Variants in GRIK2 observed in about 807,000 individuals in gnomAD.
The protein encoded by GRIK2 is glutamate receptor ionotropic, kainate 2.
GRIK2 carries 32 observed loss-of-function variants against 100.3 expected under a neutral mutation model. That is an observed-to-expected ratio of 0.32 (90% CI 0.24 to 0.43). The LOEUF (loss-of-function observed/expected upper bound fraction) is 0.43. Ranked by LOEUF, GRIK2 falls within the 20% of genes least tolerant of loss-of-function variation. The pLI is 1.00. For missense variants in GRIK2, 843 were observed against 1,114.9 expected (o/e 0.76, Z 3.47); for synonymous variants, 417 against 389.4 (o/e 1.07, Z -0.83).
chr6:102,008,865 G>C (rs1795376965), intron 14 of GRIK2, among the ~76,000 whole-genome samples: 1 of 151,904 alleles, frequency 6.6e-6, no homozygotes, highest in Admixed American at 6.6e-5. Flanking sequence ...ACTTCAAAAT[G>C]TTGTGTTATA....
chr6:102,006,554 G>T lies in GRIK2; in HGVS notation c.2086-28787G>T, dbSNP rs575772670. Among the ~76,000 whole-genome samples, 47 of 151,708 alleles carry T rather than the reference G, an allele frequency of 3.1e-4. 1 individual carries two copies. The South Asian group carries it at 5.2e-3, about 17-fold the overall frequency. ...GGCTAATTTTTGTATTTTTTATAGA[G>T]ACAGGGTTTCGCCATGTTGCCCAAG... On this transcript the variant is annotated intron_variant, in intron 14 of 16. Coordinates refer to ENST00000369134, the MANE Select transcript of GRIK2 (RefSeq NM_021956.5).
At chr6:101,683,110 G>A (rs1043977762) in intron 6 of GRIK2, among the ~76,000 whole-genome samples, 1 of 152,072 alleles carries the variant, frequency 6.6e-6, no homozygotes, top group African/African-American at 2.4e-5. Context: ...GCCTGAGACA[G>A]GAGAATTGCT....
At chr6:102,009,913 CA>C (rs1232500706) in intron 14 of GRIK2, among the ~76,000 whole-genome samples, 43 of 152,010 alleles carry the variant, frequency 2.8e-4, no homozygotes, top group African/African-American at 1.0e-3. Flanking sequence ...CCATGAAATA[CA>C]AAAGCAGGGC....
intron 2 of GRIK2, among the ~76,000 whole-genome samples, chr6:101,562,669 G>A (rs1777078648): frequency 6.6e-6 from 1 of 151,996 alleles, no homozygotes; most frequent in East Asian, 1.9e-4. Context: ...AGCTGTTTGG[G>A]TGCAAGTTTC....
At chr6:101,830,702 TA>T (rs536764363) in intron 10 of GRIK2, among the ~76,000 whole-genome samples, 47 of 141,240 alleles carry the variant, frequency 3.3e-4, no homozygotes, top group Non-Finnish European at 3.6e-4. Context: ...ATTAAAAAAG[TA>T]AAAAAAAAAA....
At chr6:102,018,241 C>T (rs946450419) in intron 14 of GRIK2, among the ~76,000 whole-genome samples, 7 of 152,164 alleles carry the variant, frequency 4.6e-5, no homozygotes, top group East Asian at 1.9e-4. Context: ...TCTACAATCT[C>T]GCAGATCCCT....
Position 101,488,350 on chromosome 6 carries a change from G to T in GRIK2, c.115+88958G>T, listed in dbSNP as rs4840189. On this transcript the variant is annotated intron_variant, in intron 2 of 16. Coordinates refer to ENST00000369134, the MANE Select transcript of GRIK2 (RefSeq NM_021956.5). Reference sequence around the variant, plus strand: ...TTACATAGGCAGAGAATGTGAAAGAGGTCATGAGTTGTGGTTTTTTAAAAC... The same window carrying T: ...TTACATAGGCAGAGAATGTGAAAGATGTCATGAGTTGTGGTTTTTTAAAAC... Among the ~76,000 whole-genome samples the T allele has an allele frequency of 4.1e-5, 6 of 145,548 alleles. 1 individual carries two copies. The highest frequency in any genetic ancestry group is 1.3e-4 in the African/African-American group (5 of 38,014).
chr6:101,579,944 C>T (rs1195731223), intron 2 of GRIK2, among the ~76,000 whole-genome samples: 1 of 151,096 alleles, frequency 6.6e-6, no homozygotes, highest in Non-Finnish European at 1.5e-5. Flanking sequence ...TTTTTAAATT[C>T]CTTTCCAACT....
intron 2 of GRIK2, among the ~76,000 whole-genome samples, chr6:101,499,562 T>G (rs2128272647): frequency 6.6e-6 from 1 of 152,260 alleles, no homozygotes; most frequent in African/African-American, 2.4e-5. Context: ...ATCTTTTTAT[T>G]TTATCCTATT....
intron 2 of GRIK2, among the ~76,000 whole-genome samples, chr6:101,423,943 A>G (rs1467270819): frequency 6.6e-6 from 1 of 152,192 alleles, no homozygotes; most frequent in Non-Finnish European, 1.5e-5. Context: ...AGATGAAAAA[A>G]GAAATTATAT....
intron 7 of GRIK2, among the ~76,000 whole-genome samples, chr6:101,788,435 C>T (rs556736100): frequency 6.6e-6 from 1 of 151,986 alleles, no homozygotes; most frequent in African/African-American, 2.4e-5. Flanking sequence ...GTTCAATTCC[C>T]ATCTATGAGT....
intron 2 of GRIK2, among the ~76,000 whole-genome samples, chr6:101,419,247 C>T (rs1322982585): frequency 6.6e-6 from 1 of 152,210 alleles, no homozygotes; most frequent in Non-Finnish European, 1.5e-5. Context: ...TTTCACCTTT[C>T]CAGGACCCAT....
At chr6:101,587,661 G>A (rs531369890) in intron 2 of GRIK2, among the ~76,000 whole-genome samples, 163 of 152,248 alleles carry the variant, frequency 1.1e-3, no homozygotes, top group African/African-American at 3.8e-3. Context: ...GTTATAATTA[G>A]TTGAACAACA....
At chr6:101,500,659 C>T (rs182835466) in intron 2 of GRIK2, among the ~76,000 whole-genome samples, 336 of 151,918 alleles carry the variant, frequency 2.2e-3, no homozygotes, top group Non-Finnish European at 3.7e-3. Flanking sequence ...CTATAATTGA[C>T]GGAAGGAAAG....
intron 10 of GRIK2, among the ~76,000 whole-genome samples, chr6:101,819,561 TA>T (rs1450005850): frequency 1.3e-5 from 2 of 152,178 alleles, no homozygotes; most frequent in African/African-American, 4.8e-5. Context: ...TCCAAACGTC[TA>T]AGACACCCTT....
intron 10 of GRIK2, among the ~76,000 whole-genome samples, chr6:101,847,484 A>AT (rs1783878971): frequency 6.6e-6 from 1 of 151,906 alleles, no homozygotes; most frequent in South Asian, 2.1e-4. Context: ...TAAAGTCTGT[A>AT]TTTTTTGTTC....
chr6:101,625,298 G>A (rs752955807), intron 3 of GRIK2, among the ~76,000 whole-genome samples: 9 of 151,706 alleles, frequency 5.9e-5, no homozygotes, highest in African/African-American at 2.2e-4. Context: ...GCTTGAACCC[G>A]GGAGGCAAAG....
intron 11 of GRIK2, among the ~76,000 whole-genome samples, chr6:101,886,848 A>G (rs532692933): frequency 1.5e-3 from 182 of 124,536 alleles, no homozygotes; most frequent in Non-Finnish European, 2.6e-3. Flanking sequence ...TTTTTTGGAG[A>G]CAGAGTCTCC....
intron 7 of GRIK2, among the ~76,000 whole-genome samples, chr6:101,782,880 A>G (rs1166375001): frequency 8.2e-6 from 1 of 122,612 alleles, no homozygotes; most frequent in Non-Finnish European, 1.6e-5. Flanking sequence ...TTTTTTTGAG[A>G]TGGAGTCTCA....
Sources: allele counts gnomAD v4.1 joint callset (sites outside exome capture counted in the v4.1 genomes callset), GRCh38; gene constraint gnomAD v4.1.1; transcripts MANE v1.5; gene names NCBI Gene and HGNC (gene_info 2026-07-23, HGNC 2026-07-21).